The following NEK10 variants were observed in gnomAD, a reference collection of about 807,000 sequenced individuals.
The protein encoded by NEK10 is NIMA related kinase 10, also known as serine/threonine-protein kinase Nek10.
A neutral mutation model predicts 159.8 loss-of-function variants in NEK10; 122 were observed. The observed-to-expected ratio is 0.76, with a 90% confidence interval of 0.66 to 0.89. The LOEUF is 0.89. Ranked by LOEUF, NEK10 falls within the 40% of genes least tolerant of loss-of-function variation. NEK10 has a pLI of 0.00. For synonymous variants in NEK10, 466 were observed against 457.1 expected, an observed-to-expected ratio of 1.02 and a Z score of -0.25; for missense variants, 1,342 against 1,323.1, an observed-to-expected ratio of 1.01 and a Z score of -0.22.
chr3:27,246,229 T>C (rs115050805), intron 23 of NEK10, among the ~76,000 whole-genome samples: 1 of 152,160 alleles, frequency 6.6e-6, no homozygotes, highest in African/African-American at 2.4e-5. Context: ...TTTTTTATTA[T>C]GACTTTTAGG....
chr3:27,169,410 C>T (rs747028394), intron 29 of NEK10, among the ~76,000 whole-genome samples: 3 of 152,122 alleles, frequency 2.0e-5, no homozygotes, highest in Non-Finnish European at 4.4e-5. Context: ...ACCATGACTC[C>T]TCTGCACTTT....
At chr3:27,309,879 G>A (rs1051585599) in intron 9 of NEK10, 1 of 152,154 alleles carries the variant, frequency 6.6e-6, no homozygotes, top group Non-Finnish European at 1.5e-5. Context: ...ATGCTCCCAA[G>A]CATCATCCTA....
chr3:27,133,505 T>C (rs531597629), intron 31 of NEK10, among the ~76,000 whole-genome samples: 1 of 152,374 alleles, frequency 6.6e-6, no homozygotes, highest in African/African-American at 2.4e-5. Context: ...CTGGGTGCAG[T>C]GGCTTATGCC....
intron 23 of NEK10, among the ~76,000 whole-genome samples, chr3:27,231,991 C>A (rs1953332350): frequency 6.6e-6 from 1 of 151,794 alleles, no homozygotes; most frequent in Non-Finnish European, 1.5e-5. Context: ...TTCTAGGAAA[C>A]CACTGTCACC....
chr3:27,319,166 GT>G (rs771655937), intron 6 of NEK10, among the ~76,000 whole-genome samples: 8 of 152,122 alleles, frequency 5.3e-5, no homozygotes, highest in Admixed American at 3.9e-4. Context: ...ATCTTTTAAG[GT>G]TTTCTCTTTA....
rs1487634152 is a variant in NEK10 at position 27,110,985 on chromosome 3, TC to T, written c.*286del. The T allele has an allele frequency of 7.9e-5, 23 of 291,708 alleles. No homozygotes were observed. The highest frequency in any genetic ancestry group is 9.5e-4 in the Middle Eastern group (1 of 1,050). The allele number at this position is 291,708 out of a possible 1,614,324, so 18.1% of individuals were successfully genotyped here. A position where few individuals can be genotyped will look rare whatever the true frequency, so the allele number is the denominator to read the frequency against. ...TTTTTTTGTTGTTGTTTTTGGGTTT[TC>T]CCCCCACCCTCCAAAAGATGAATTT... is the stretch of plus-strand genomic sequence containing the variant. On this transcript the variant is annotated 3_prime_UTR_variant, in exon 36 of 36. Coordinates refer to ENST00000691995, the MANE Select transcript of NEK10 (RefSeq NM_001394966.1).
At chr3:27,277,948 G>A (rs2041887086) in intron 22 of NEK10, among the ~76,000 whole-genome samples, 1 of 152,184 alleles carries the variant, frequency 6.6e-6, no homozygotes, top group South Asian at 2.1e-4. Flanking sequence ...TAATGGACAT[G>A]TAGCATTAGC....
chr3:27,359,653 T>C (rs778571952), intron 1 of NEK10, among the ~76,000 whole-genome samples: 2 of 152,208 alleles, frequency 1.3e-5, no homozygotes, highest in Non-Finnish European at 2.9e-5. Context: ...CATGTTAAAA[T>C]GCACTGGTTA....
At chr3:27,363,978 C>T (rs1286123151) in intron 1 of NEK10, 1 of 151,928 alleles carries the variant, frequency 6.6e-6, no homozygotes, top group East Asian at 1.9e-4. Flanking sequence ...TAACAACATG[C>T]CTATGACAAG....
At chr3:27,261,886 G>T (rs1328508553) in intron 22 of NEK10, among the ~76,000 whole-genome samples, 1 of 152,168 alleles carries the variant, frequency 6.6e-6, no homozygotes, top group African/African-American at 2.4e-5. Flanking sequence ...CTAATGACTT[G>T]CTTTATCAAT....
chr3:27,307,990 T>C lies in NEK10; in HGVS notation c.717-45A>G, dbSNP rs1332149583. On this transcript the variant is annotated intron_variant, in intron 10 of 35. Transcript: ENST00000691995. ...AGCAATTACTAAAAGCATATTTTGC[T>C]AGATCCATGTATTAGTCCTTTTTCA... 4 of 920,238 alleles carry C rather than the reference T, an allele frequency of 4.3e-6. No homozygotes were observed. In the Admixed American group the frequency reaches 7.1e-5, roughly 16 times the overall value. 57.0% of individuals were successfully genotyped at this position (920,238 alleles called of 1,614,324 possible).
intron 28 of NEK10, among the ~76,000 whole-genome samples, chr3:27,173,723 T>C (rs1025794300): frequency 2.0e-5 from 3 of 152,182 alleles, no homozygotes; most frequent in African/African-American, 7.2e-5. Flanking sequence ...AATATTTCTA[T>C]CTATGGTTTT....
intron 30 of NEK10, among the ~76,000 whole-genome samples, chr3:27,144,390 G>C (rs140784553): frequency 1.3e-5 from 2 of 152,128 alleles, no homozygotes; most frequent in Non-Finnish European, 2.9e-5. Context: ...AATATACACC[G>C]GCATGCCTCA....
At chr3:27,331,695 CAT>C (rs1393418301) in intron 5 of NEK10, among the ~76,000 whole-genome samples, 1 of 152,140 alleles carries the variant, frequency 6.6e-6, no homozygotes, top group Non-Finnish European at 1.5e-5. Flanking sequence ...TAGCTAAACA[CAT>C]AACTATATTA....
intron 15 of NEK10, among the ~76,000 whole-genome samples, chr3:27,294,385 G>C (rs1016236127): frequency 4.6e-5 from 7 of 152,176 alleles, no homozygotes; most frequent in Admixed American, 6.5e-5. Context: ...ATACAAAATT[G>C]CCCAGAGAGG....
intron 2 of NEK10, 101 bp from the exon 3 acceptor site, chr3:27,352,626 C>A: frequency 1.1e-6 from 1 of 908,240 alleles, no homozygotes; most frequent in Non-Finnish European, 1.8e-6. Context: ...CTGCTTTTAT[C>A]AACTGGAATG....
chr3:27,243,161 T>C lies in NEK10; in HGVS notation c.2090+13135A>G, dbSNP rs1954728689. Among the ~76,000 whole-genome samples the C allele has an allele frequency of 2.0e-5, 3 of 152,208 alleles. No individual in the cohort carries two copies. In the South Asian group the frequency reaches 6.2e-4, roughly 31 times the overall value. ...TTTCTGGCACTTCAAAGGAAGGTTT[T>C]CTTGTGTTAGCATCGTGTCATTACT... is the stretch of plus-strand genomic sequence containing the variant. On this transcript the variant is annotated intron_variant, in intron 23 of 35. Transcript: ENST00000691995.
intron 23 of NEK10, among the ~76,000 whole-genome samples, chr3:27,239,638 T>C (rs1001791222): frequency 1.3e-5 from 2 of 152,200 alleles, no homozygotes; most frequent in Non-Finnish European, 2.9e-5. Flanking sequence ...TCCTAAGATA[T>C]TGAAAGGTTT....
intron 1 of NEK10, chr3:27,368,885 A>T (rs780470735): frequency 6.6e-6 from 1 of 152,306 alleles, no homozygotes. Context: ...AGAGATGAAG[A>T]ATGAACCTCC....
Sources: allele counts gnomAD v4.1 joint callset (sites outside exome capture counted in the v4.1 genomes callset), GRCh38; gene constraint gnomAD v4.1.1; transcripts MANE v1.5; gene names NCBI Gene and HGNC (gene_info 2026-07-23, HGNC 2026-07-21).